DNAH8: variants seen among roughly 807,000 people sequenced by gnomAD.
The protein encoded by DNAH8 is dynein axonemal heavy chain 8.
Under a neutral mutation model 562.1 loss-of-function variants are expected in DNAH8, and 382 were observed. That is an observed-to-expected ratio of 0.68 (90% confidence interval 0.63 to 0.74). The LOEUF (loss-of-function observed/expected upper bound fraction) is 0.74, where lower values mean the gene tolerates loss of function less well. DNAH8 is among the 30% of genes least tolerant of loss of function. The pLI is 0.00. For missense variants in DNAH8, 5,203 were observed against 5,620.4 expected (o/e 0.93, Z 2.37); for synonymous variants, 1,881 against 1,919.4 (o/e 0.98, Z 0.52).
intron 89 of DNAH8, 131 bp downstream of exon 89, chr6:39,009,101 G>C: frequency 1.7e-6 from 1 of 598,742 alleles, no homozygotes. Context: ...GAAAAATTTT[G>C]ACTATATTAC....
chr6:38,783,796 C>G (rs1768878600), intron 17 of DNAH8, among the ~76,000 whole-genome samples: 1 of 152,268 alleles, frequency 6.6e-6, no homozygotes, highest in Admixed American at 6.5e-5. Flanking sequence ...TAACCTTAAA[C>G]TCTTAGTTAT....
chr6:39,012,394 T>C, intron 90 of DNAH8, 27 bp downstream of exon 90: 5 of 1,608,072 alleles, frequency 3.1e-6, no homozygotes, highest in Non-Finnish European at 4.3e-6. Flanking sequence ...TCAGTAGGCA[T>C]TTCCTTCTTT....
intron 1 of DNAH8, among the ~76,000 whole-genome samples, chr6:38,718,802 T>C (rs1762531852): frequency 2.0e-5 from 3 of 152,228 alleles, no homozygotes; most frequent in Admixed American, 2.0e-4. Flanking sequence ...TTCTGAATCC[T>C]TGCTGTTTGT....
intron 62 of DNAH8, among the ~76,000 whole-genome samples, chr6:38,902,952 C>G (rs79649748): frequency 6.6e-6 from 1 of 152,216 alleles, no homozygotes; most frequent in African/African-American, 2.4e-5. Flanking sequence ...CTGCCCTATA[C>G]ACGAGTAGCA....
intron 33 of DNAH8, among the ~76,000 whole-genome samples, chr6:38,841,344 A>C (rs1169786644): frequency 6.6e-6 from 1 of 152,138 alleles, no homozygotes; most frequent in Non-Finnish European, 1.5e-5. Flanking sequence ...GCTTGAACCC[A>C]GGAGGCAGAG....
intron 71 of DNAH8, 50 bp from the exon 72 acceptor site, chr6:38,923,008 G>T (rs931300219): frequency 1.4e-5 from 22 of 1,580,530 alleles, no homozygotes; most frequent in African/African-American, 1.4e-5. Flanking sequence ...GGATGTTTGT[G>T]TTAAGCACTT....
rs774637811 is a variant in DNAH8 at position 39,008,948 on chromosome 6, C to G, written c.13349C>G (p.Pro4450Arg). ...RLSEDMLSKL[P>R]PDYIPHEVKS... is the part of the protein sequence containing the mutation. ...TCTGAAGATATGCTGAGTAAACTCC[C>G]TCCTGATTACATTCCTCATGAGGTA... is the stretch of plus-strand genomic sequence containing the variant. The change falls in exon 89 of 93, where the codon CCT (proline) becomes CGT (arginine). Residue 4450 changes from proline to arginine, a missense_variant. Around this residue, in one of 6 missense-constraint regions of DNAH8, gnomAD observed 1,399 missense variants for 1,518.4 expected, o/e 0.92. Transcript: ENST00000327475. The G allele has an allele frequency of 6.2e-7, 1 of 1,610,906 alleles. No homozygotes were observed. The highest frequency in any genetic ancestry group is 1.1e-5 in the South Asian group (1 of 90,788).
chr6:38,946,395 C>T (rs1256493262), intron 80 of DNAH8, among the ~76,000 whole-genome samples: 1 of 152,152 alleles, frequency 6.6e-6, no homozygotes, highest in Non-Finnish European at 1.5e-5. Flanking sequence ...CCTATTCAGC[C>T]TGGTTGGGTC....
Position 38,909,670 on chromosome 6 carries a change from TAA to T in DNAH8, c.9669_9670del (p.Arg3224ThrfsTer11). On this transcript the variant is annotated frameshift_variant, in exon 65 of 93. Transcript: ENST00000327475. LOFTEE classifies it high-confidence loss of function. ...DYNIVCSSEI[K>X]RQVVETMGLF... ...ATAATATTGTCTGCTCTAGTGAAAT[TAA>T]AAGACAAGTTGTAGAAACAATGGGC... 1 of 1,614,134 alleles carries T rather than the reference TAA, an allele frequency of 6.2e-7. No homozygotes were observed. Among genetic ancestry groups the T allele is most frequent in the South Asian group, 1.1e-5 (1 of 91,080 alleles).
intron 18 of DNAH8, among the ~76,000 whole-genome samples, chr6:38,787,438 A>G (rs1343502851): frequency 2.6e-5 from 4 of 152,144 alleles, no homozygotes; most frequent in African/African-American, 9.7e-5. Flanking sequence ...TGACATTAAC[A>G]TGTACTGCCG....
chr6:38,743,096 C>A (rs1764658227), intron 8 of DNAH8, among the ~76,000 whole-genome samples: 1 of 145,858 alleles, frequency 6.9e-6, no homozygotes, highest in African/African-American at 2.5e-5. Context: ...CGGCTCACTG[C>A]AGCCTCAACC....
At chr6:38,846,136 T>G (rs902104776) in intron 36 of DNAH8, among the ~76,000 whole-genome samples, 15 of 152,036 alleles carry the variant, frequency 9.9e-5, no homozygotes, top group African/African-American at 3.6e-4. Context: ...TGTTCAAACA[T>G]TCACCCAATG....
At chr6:38,877,725 G>T (rs1447792356) in intron 53 of DNAH8, among the ~76,000 whole-genome samples, 4 of 152,132 alleles carry the variant, frequency 2.6e-5, no homozygotes, top group Non-Finnish European at 5.9e-5. Flanking sequence ...CTTTGGAGAA[G>T]ACTTCATTCA....
chr6:38,886,680 C>T (rs1189570430), intron 56 of DNAH8, 111 bp from the exon 57 acceptor site: 1 of 855,196 alleles, frequency 1.2e-6, no homozygotes, highest in Non-Finnish European at 1.9e-6. Flanking sequence ...ACAAACACTT[C>T]ATTGATAAGA....
rs751635902 is a variant in DNAH8, at chr6:38,832,405, C to T, written c.4272C>T (p.Asp1424=). 6.2e-6 allele frequency: 10 copies of T among 1,611,892 alleles called. No homozygotes were observed. The highest frequency in any genetic ancestry group is 4.5e-5 in the East Asian group (2 of 44,820). ...AGTCTGTGGAAGTTTTTCGTGAGGA[C>T]GTGATAAACTTTGCAGAAGCATATG... ...LLESVEVFRE[D]VINFAEAYEL... is the part of the protein sequence containing the mutation. The change falls in exon 31 of 93, where the codon GAC becomes GAT. Residue 1424 remains aspartate (D), a synonymous_variant. Coordinates refer to ENST00000327475, the MANE Select transcript of DNAH8 (RefSeq NM_001206927.2).
rs189922274 is a variant in DNAH8, at chr6:38,796,872, G to A, written c.2901+5198G>A. On this transcript the variant is annotated intron_variant, in intron 21 of 92. Coordinates refer to ENST00000327475, the MANE Select transcript of DNAH8 (RefSeq NM_001206927.2). ...ACAACTCGGTGTCTGAGGGGTTCTT[G>A]TCTGCGGCTTGTCCTGTACACTTTA... 2.6e-4 allele frequency among the ~76,000 whole-genome samples: 40 copies of A among 152,260 alleles called. No homozygotes were observed. In the East Asian group the frequency reaches 7.3e-3, roughly 28 times the overall value.
chr6:39,002,082 C>T lies in DNAH8; in HGVS notation c.13215-6732C>T, dbSNP rs555916733. Among the ~76,000 whole-genome samples, 91 of 152,210 alleles carry T rather than the reference C, an allele frequency of 6.0e-4. 1 individual carries two copies. Among genetic ancestry groups the T allele is most frequent in the Admixed American group, 3.9e-3 (59 of 15,288 alleles). On this transcript the variant is annotated intron_variant, in intron 88 of 92. Coordinates refer to ENST00000327475, the MANE Select transcript of DNAH8 (RefSeq NM_001206927.2). ...AGTCCAGGAGAGGGATAAGGGAGAA[C>T]TAAAATAATAAGGTTTTGGATTTGT...
intron 65 of DNAH8, among the ~76,000 whole-genome samples, chr6:38,910,317 CCAAAGCATGACAGT>C (rs1419435768): frequency 6.6e-6 from 1 of 152,094 alleles, no homozygotes; most frequent in African/African-American, 2.4e-5. Context: ...GCTTTTTTCC[CCAAAGCATGACAGT>C]CACTGTGTAA....
Position 38,872,565 on chromosome 6 carries a change from C to T in DNAH8, c.7020C>T (p.Gly2340=), listed in dbSNP as rs1777548317. 1 of 1,614,022 alleles carries T rather than the reference C, an allele frequency of 6.2e-7. No individual in the cohort carries two copies. The highest frequency in any genetic ancestry group is 8.5e-7 in the Non-Finnish European group (1 of 1,179,938). The change falls in exon 50 of 93, where the codon GGC becomes GGT. Residue 2340 remains glycine (G), a synonymous_variant. Coordinates refer to ENST00000327475, the MANE Select transcript of DNAH8 (RefSeq NM_001206927.2). The stretch of plus-strand genomic sequence containing the variant: ...ATGAGACGTCTTTGGTACGGCATGG[C>T]TTGATGACTCTTGGGCCCAGTGGTT... ...QLYETSLVRH[G]LMTLGPSGSG... is the part of the protein sequence containing the mutation.
Sources: allele counts gnomAD v4.1 joint callset (sites outside exome capture counted in the v4.1 genomes callset), GRCh38; gene constraint gnomAD v4.1.1; regional missense constraint gnomAD v4.1.1; transcripts MANE v1.5; gene names NCBI Gene and HGNC (gene_info 2026-07-23, HGNC 2026-07-21).